Variants in ZBTB20 observed in about 807,000 individuals in gnomAD.
ZBTB20 encodes the protein zinc finger and BTB domain containing 20, also known as zinc finger and BTB domain-containing protein 20.
Under a neutral mutation model 56.9 loss-of-function variants are expected in ZBTB20, and 9 were observed. The ratio of observed to expected loss-of-function variants is 0.16; its 90% CI spans 0.10 to 0.28. The LOEUF (loss-of-function observed/expected upper bound fraction) is 0.28, where lower values mean the gene tolerates loss of function less well. Ranked by LOEUF, ZBTB20 falls within the 10% of genes least tolerant of loss-of-function variation. The pLI, the probability that ZBTB20 is intolerant of heterozygous loss-of-function variation, is 1.00. For synonymous variants in ZBTB20, 417 were observed against 420.7 expected, an observed-to-expected ratio of 0.99 and a Z score of 0.11; for missense variants, 655 against 1,003.0, an observed-to-expected ratio of 0.65 and a Z score of 4.69.
At chr3:115,125,531 TC>T (rs1369584835) in intron 1 of ZBTB20, among the ~76,000 whole-genome samples, 1 of 151,958 alleles carries the variant, frequency 6.6e-6, no homozygotes, top group East Asian at 1.9e-4. Flanking sequence ...ACAATGAAAC[TC>T]ATAGAAGCAG....
chr3:114,659,958 CTT>C (rs910170150), intron 6 of ZBTB20, among the ~76,000 whole-genome samples: 2 of 151,948 alleles, frequency 1.3e-5, no homozygotes, highest in African/African-American at 4.8e-5. Flanking sequence ...AAATGATTCT[CTT>C]TGTCTTTTCT....
chr3:114,767,859 G>A (rs898677139), intron 5 of ZBTB20, among the ~76,000 whole-genome samples: 3 of 152,008 alleles, frequency 2.0e-5, no homozygotes, highest in African/African-American at 7.2e-5. Context: ...AGTTCCAAGT[G>A]TTTTTAATCT....
chr3:114,947,163 T>C (rs978468529), intron 3 of ZBTB20, among the ~76,000 whole-genome samples: 1 of 146,028 alleles, frequency 6.8e-6, no homozygotes, highest in African/African-American at 2.8e-5. Context: ...AAACAGCAGA[T>C]CTTGGCAAGC....
At chr3:115,035,184 G>C (rs567503526) in intron 2 of ZBTB20, among the ~76,000 whole-genome samples, 1 of 151,976 alleles carries the variant, frequency 6.6e-6, no homozygotes, top group East Asian at 1.9e-4. Flanking sequence ...ATGACAACAG[G>C]CCATAGGCAA....
intron 6 of ZBTB20, among the ~76,000 whole-genome samples, chr3:114,544,461 C>G (rs1197355919): frequency 1.2e-5 from 1 of 83,120 alleles, no homozygotes; most frequent in East Asian, 3.4e-4. Flanking sequence ...TTCTTTCTTT[C>G]TTTCTTTCTT....
At chr3:114,604,193 T>C (rs148564389) in intron 6 of ZBTB20, among the ~76,000 whole-genome samples, 9 of 152,144 alleles carry the variant, frequency 5.9e-5, no homozygotes, top group Middle Eastern at 3.4e-3. Context: ...ACTGCAAAAC[T>C]ATAAAAGAGA....
At chr3:114,951,234 A>G (rs2077055949) in intron 3 of ZBTB20, among the ~76,000 whole-genome samples, 1 of 152,010 alleles carries the variant, frequency 6.6e-6, no homozygotes, top group African/African-American at 2.4e-5. Flanking sequence ...AAGAATTTCC[A>G]TTGCTTTTGT....
chr3:114,590,689 G>A (rs1490216222), intron 6 of ZBTB20, among the ~76,000 whole-genome samples: 1 of 151,978 alleles, frequency 6.6e-6, no homozygotes, highest in East Asian at 1.9e-4. Flanking sequence ...TTTCACCCTC[G>A]TCAAGCACAT....
At chr3:114,507,473 A>G (rs1472195067) in intron 6 of ZBTB20, among the ~76,000 whole-genome samples, 3 of 152,160 alleles carry the variant, frequency 2.0e-5, no homozygotes, top group African/African-American at 7.2e-5. Context: ...CTATAAGAAA[A>G]GTTGTTACAA....
At chr3:114,619,482 T>C (rs892711472) in intron 6 of ZBTB20, among the ~76,000 whole-genome samples, 9 of 152,272 alleles carry the variant, frequency 5.9e-5, no homozygotes, top group South Asian at 2.1e-4. Flanking sequence ...TGTTTTATTA[T>C]ACACAATATT....
rs146081628 is a variant in ZBTB20, at chr3:114,706,989, G to A, written c.-342-13414C>T. Reference sequence around the variant, plus strand: ...TATAGACCCTGTGGGGGTCAAATGGGTAACTGTGGCTCAAAGAGGAAACCC... The same window carrying A: ...TATAGACCCTGTGGGGGTCAAATGGATAACTGTGGCTCAAAGAGGAAACCC... On this transcript the variant is annotated intron_variant, in intron 5 of 11. Transcript: ENST00000675478. 7.8e-4 allele frequency among the ~76,000 whole-genome samples: 119 copies of A among 152,212 alleles called. 1 individual carries two copies. Among genetic ancestry groups the A allele is most frequent in the East Asian group, 6.8e-3 (35 of 5,182 alleles).
intron 3 of ZBTB20, among the ~76,000 whole-genome samples, chr3:114,905,188 T>C (rs1196252501): frequency 6.6e-6 from 1 of 151,870 alleles, no homozygotes; most frequent in Admixed American, 6.6e-5. Flanking sequence ...TTCACAACTT[T>C]TAAAATAAAA....
At chr3:114,825,338 C>T (rs918862201) in intron 4 of ZBTB20, among the ~76,000 whole-genome samples, 2 of 151,932 alleles carry the variant, frequency 1.3e-5, no homozygotes, top group African/African-American at 4.8e-5. Flanking sequence ...TAGGGTTCTA[C>T]CAAGGCCACT....
chr3:114,527,265 A>G (rs963897626), intron 6 of ZBTB20: 1 of 152,230 alleles, frequency 6.6e-6, no homozygotes, highest in Non-Finnish European at 1.5e-5. Flanking sequence ...GGAGTCTCAC[A>G]GGAGGGCAAA....
rs10719460 is a variant in ZBTB20, at chr3:114,546,558, C to CT, written c.-294-46168dup. ...GAGTCCTTCCTTTTGCAACATACAC[C>CT]TTTTTTTTTTTTTTTTAATCCAGAC... On this transcript the variant is annotated intron_variant, in intron 6 of 11. Coordinates refer to ENST00000675478, the MANE Select transcript of ZBTB20 (RefSeq NM_001348800.3). Among the ~76,000 whole-genome samples, 1,009 of 141,166 alleles carry CT rather than the reference C, an allele frequency of 7.1e-3. 17 individuals are homozygous for CT. The highest frequency in any genetic ancestry group is 0.022 in the African/African-American group (841 of 38,078). 92.6% of individuals were successfully genotyped at this position (141,166 alleles called of 152,430 possible).
At chr3:115,112,363 T>C (rs1388993001) in intron 1 of ZBTB20, among the ~76,000 whole-genome samples, 1 of 152,118 alleles carries the variant, frequency 6.6e-6, no homozygotes, top group Non-Finnish European at 1.5e-5. Context: ...TAGAATATTT[T>C]TATTAACTAC....
intron 3 of ZBTB20, among the ~76,000 whole-genome samples, chr3:114,929,715 T>C (rs2076286374): frequency 6.6e-6 from 1 of 152,220 alleles, no homozygotes; most frequent in Non-Finnish European, 1.5e-5. Context: ...GCTTTCTAAA[T>C]CGTTTTATTT....
chr3:114,540,020 C>A (rs374926798), intron 6 of ZBTB20, among the ~76,000 whole-genome samples: 1 of 151,404 alleles, frequency 6.6e-6, no homozygotes, highest in Non-Finnish European at 1.5e-5. Flanking sequence ...AAGTACTAAG[C>A]TTAGTACCTA....
chr3:114,696,969 G>T lies in ZBTB20; in HGVS notation c.-342-3394C>A, dbSNP rs2063067411. Among the ~76,000 whole-genome samples the T allele has an allele frequency of 2.0e-5, 3 of 150,630 alleles. No individual in the cohort carries two copies. The South Asian group carries it at 6.3e-4, about 31-fold the overall frequency. ...TAAATAAAACTGTTGTTTAGATGAT[G>T]AATTCTATAGGAAGTCTGAATTAAC... On this transcript the variant is annotated intron_variant, in intron 5 of 11. Transcript: ENST00000675478.
Sources: gnomAD v4.1 joint callset for allele counts (sites outside exome capture counted in the v4.1 genomes callset) on GRCh38, gnomAD v4.1.1 for gene constraint, MANE v1.5 for transcripts, NCBI Gene and HGNC (gene_info 2026-07-23, HGNC 2026-07-21) for gene names.